Variants in TOX3 observed in about 807,000 individuals in gnomAD.
TOX3 encodes the protein TOX high mobility group box family member 3.
TOX3 carries 22 observed loss-of-function variants against 64.3 expected under a neutral mutation model. The ratio of observed to expected loss-of-function variants is 0.34; its 90% CI spans 0.24 to 0.49. TOX3 has a LOEUF of 0.49. TOX3 is among the 20% of genes least tolerant of loss of function. The pLI is 0.99. For missense variants in TOX3, 661 were observed against 714.4 expected, an observed-to-expected ratio of 0.93 and a Z score of 0.85; for synonymous variants, 291 against 273.6, an observed-to-expected ratio of 1.06 and a Z score of -0.63.
chr16:52,487,570 G>A (rs1381800771), intron 1 of TOX3, among the ~76,000 whole-genome samples: 4 of 152,110 alleles, frequency 2.6e-5, no homozygotes, highest in African/African-American at 4.8e-5. Flanking sequence ...GTATCTGAAT[G>A]TGTTCATAAG....
At chr16:52,514,504 G>A (rs140513052) in intron 1 of TOX3, among the ~76,000 whole-genome samples, 5 of 152,160 alleles carry the variant, frequency 3.3e-5, no homozygotes, top group Non-Finnish European at 7.4e-5. Context: ...AATAGGTATT[G>A]TTTTCTCTGT....
At chr16:52,446,413 G>A (rs1428019180) in intron 4 of TOX3, among the ~76,000 whole-genome samples, 192 bp from the exon 5 acceptor site, 1 of 152,108 alleles carries the variant, frequency 6.6e-6, no homozygotes, top group Non-Finnish European at 1.5e-5. Flanking sequence ...TTAGAACATC[G>A]ATTAATGAGA....
intron 3 of TOX3, among the ~76,000 whole-genome samples, chr16:52,463,049 C>T (rs907869302): frequency 2.6e-5 from 4 of 152,122 alleles, no homozygotes; most frequent in African/African-American, 9.6e-5. Context: ...CAATAAACAT[C>T]ACTGGCATGG....
At chr16:52,543,741 G>T (rs1244258036) in intron 1 of TOX3, among the ~76,000 whole-genome samples, 1 of 152,134 alleles carries the variant, frequency 6.6e-6, no homozygotes, top group Non-Finnish European at 1.5e-5. Context: ...TATTTTATTT[G>T]AAGTTATTCT....
At chr16:52,497,766 T>C (rs1185080739) in intron 1 of TOX3, among the ~76,000 whole-genome samples, 2 of 152,154 alleles carry the variant, frequency 1.3e-5, no homozygotes, top group Non-Finnish European at 2.9e-5. Context: ...CTAGATGTCC[T>C]TACAGAGCCA....
chr16:52,506,671 AGG>A (rs1962169775), intron 1 of TOX3, among the ~76,000 whole-genome samples: 1 of 152,202 alleles, frequency 6.6e-6, no homozygotes, highest in African/African-American at 2.4e-5. Context: ...TAGAGGCTAC[AGG>A]AAGGGTGCAG....
Position 52,445,997 on chromosome 16 carries a change from C to T in TOX3, c.903G>A (p.Lys301=). ...CCTTGATGGGTCTTTGTCTCACCTG[C>T]TTTTGTTCTTCTCCAAGGCTGTCCC... ...SMWDSLGEEQ[K]QVYKRKTEAA... Residue 301 remains lysine, a synonymous_variant, in exon 5 of 7, where the codon AAG becomes AAA. Transcript: ENST00000219746. 2 of 1,612,982 alleles carry T rather than the reference C, an allele frequency of 1.2e-6. No homozygotes were observed. The highest frequency in any genetic ancestry group is 1.7e-6 in the Non-Finnish European group (2 of 1,179,078).
At chr16:52,508,773 G>A (rs1013757600) in intron 1 of TOX3, among the ~76,000 whole-genome samples, 1 of 152,040 alleles carries the variant, frequency 6.6e-6, no homozygotes, top group African/African-American at 2.4e-5. Flanking sequence ...TTTCAACAAA[G>A]TTGGATGTTA....
chr16:52,466,440 T>A (rs898454795), intron 2 of TOX3, among the ~76,000 whole-genome samples: 5 of 152,170 alleles, frequency 3.3e-5, no homozygotes, highest in African/African-American at 1.2e-4. Flanking sequence ...CCTGAATTAG[T>A]TTACACTCAT....
rs373048324 is a variant in TOX3, at chr16:52,464,257, G to GAA, written c.154-70_154-69insTT. Reference sequence around the variant, plus strand: ...TATCTTATTCCTCCGGGGAGGGAAAGAGAAAGACATTGCATGAAAACACTA... The same window carrying GAA: ...TATCTTATTCCTCCGGGGAGGGAAAGAAAGAAAGACATTGCATGAAAACACTA... On this transcript the variant is annotated intron_variant, in intron 2 of 6. Transcript: ENST00000219746. 4,025 of 1,369,926 alleles carry GAA rather than the reference G, an allele frequency of 2.9e-3. 5 individuals are homozygous for GAA. Among genetic ancestry groups the GAA allele is most frequent in the South Asian group, 4.1e-3 (190 of 46,302 alleles). 84.9% of individuals were successfully genotyped at this position (1,369,926 alleles called of 1,614,324 possible).
rs370815813 is a variant in TOX3 at position 52,437,872 on chromosome 16, A to C, written c.*1353T>G. On this transcript the variant is annotated 3_prime_UTR_variant, in exon 7 of 7. Transcript: ENST00000219746. ...TGGTTTTTTCAAGGATCTTCATTTC[A>C]GGCTATGCAATGCATATTCTTGGCC... is the stretch of plus-strand genomic sequence containing the variant. 3 of 151,994 alleles carry C rather than the reference A, an allele frequency of 2.0e-5. No homozygotes were observed. The East Asian group carries it at 5.8e-4, about 29-fold the overall frequency. The allele number at this position is 151,994 out of a possible 1,614,324, so 9.4% of individuals were successfully genotyped here.
chr16:52,519,704 T>C (rs1962553884), intron 1 of TOX3: 1 of 843,546 alleles, frequency 1.2e-6, no homozygotes, highest in Admixed American at 3.5e-5. Flanking sequence ...ACACCTGTAA[T>C]CCCAGCACTT....
chr16:52,482,982 T>C (rs1311902119), intron 1 of TOX3, among the ~76,000 whole-genome samples: 1 of 152,162 alleles, frequency 6.6e-6, no homozygotes, highest in East Asian at 1.9e-4. Flanking sequence ...GCTGCCTTCA[T>C]ATCAAGATTA....
intron 5 of TOX3, 108 bp from the exon 6 acceptor site, chr16:52,444,464 G>C (rs375170700): frequency 2.3e-6 from 2 of 870,734 alleles, no homozygotes; most frequent in Non-Finnish European, 3.4e-6. Flanking sequence ...AAAAAGGTTG[G>C]TCTCCTTGGC....
At chr16:52,480,988 T>A (rs1961355426) in intron 1 of TOX3, among the ~76,000 whole-genome samples, 1 of 152,046 alleles carries the variant, frequency 6.6e-6, no homozygotes, top group South Asian at 2.1e-4. Context: ...AGGGTGTCAC[T>A]AAACATCCTA....
At chr16:52,496,629 G>A (rs754098185) in intron 1 of TOX3, among the ~76,000 whole-genome samples, 7 of 152,162 alleles carry the variant, frequency 4.6e-5, no homozygotes, top group African/African-American at 1.2e-4. Flanking sequence ...AACAGATTTC[G>A]ACATTGCCTC....
rs764166053 is a variant in TOX3 at position 52,450,520 on chromosome 16, C to T, written c.435G>A (p.Gln145=). ...HMDQSHTQVS[Q]YRQDPSLIMR... ...TGATCAGGGAGGGATCCTGCCGGTA[C>T]TGGGACACTTGTGTGTGGCTCTGAT... The change falls in exon 4 of 7, where the codon CAG becomes CAA. Residue 145 remains glutamine (Q), a synonymous_variant. Transcript: ENST00000219746. 3 of 1,614,026 alleles carry T rather than the reference C, an allele frequency of 1.9e-6. No homozygotes were observed. The highest frequency in any genetic ancestry group is 1.7e-5 in the Admixed American group (1 of 60,022).
At chr16:52,452,070 A>G (rs1960367353) in intron 3 of TOX3, among the ~76,000 whole-genome samples, 1 of 152,174 alleles carries the variant, frequency 6.6e-6, no homozygotes, top group African/African-American at 2.4e-5. Context: ...AACCACTCCC[A>G]GTTGAGAACC....
At chr16:52,510,323 G>C (rs1222569446) in intron 1 of TOX3, among the ~76,000 whole-genome samples, 1 of 151,982 alleles carries the variant, frequency 6.6e-6, no homozygotes, top group Non-Finnish European at 1.5e-5. Context: ...GTAATATTTG[G>C]GACCAGGGTC....
Sources: allele counts gnomAD v4.1 joint callset (sites outside exome capture counted in the v4.1 genomes callset), GRCh38; gene constraint gnomAD v4.1.1; transcripts MANE v1.5; gene names NCBI Gene and HGNC (gene_info 2026-07-23, HGNC 2026-07-21).